The following RB1CC1 variants were observed in gnomAD, a reference collection of about 807,000 sequenced individuals.
The protein encoded by RB1CC1 is RB1-inducible coiled-coil protein 1.
Under a neutral mutation model 177.5 loss-of-function variants are expected in RB1CC1, and 46 were observed. The observed-to-expected ratio is 0.26, with a 90% CI of 0.20 to 0.33. The LOEUF (loss-of-function observed/expected upper bound fraction) is 0.33. RB1CC1 is among the 10% of genes least tolerant of loss of function. The pLI, the probability that RB1CC1 is intolerant of heterozygous loss-of-function variation, is 1.00. For missense variants in RB1CC1, 1,703 were observed against 1,816.3 expected, an observed-to-expected ratio of 0.94 and a Z score of 1.13; for synonymous variants, 666 against 613.6, an observed-to-expected ratio of 1.09 and a Z score of -1.26.
rs368488302 is a variant in RB1CC1 at position 52,661,708 on chromosome 8, A to C, written c.1185T>G (p.Ala395=). The C allele has an allele frequency of 5.6e-5, 88 of 1,563,604 alleles. No individual in the cohort carries two copies. The highest frequency in any genetic ancestry group is 6.8e-5 in the Non-Finnish European group (79 of 1,158,232). ...TTAAGTTTTCAGCTCTCTTCTGATT[A>C]GCTAAAAATCCCTTTGAGAAAAAAA... ...EQKELAQGFL[A]NQKRAENLKD... Residue 395 remains alanine, a synonymous_variant, in exon 9 of 24, where the codon GCT becomes GCG. Coordinates refer to ENST00000025008, the MANE Select transcript of RB1CC1 (RefSeq NM_014781.5).
intron 23 of RB1CC1, 61 bp downstream of exon 23, chr8:52,624,656 A>T: frequency 1.6e-6 from 2 of 1,284,228 alleles, no homozygotes; most frequent in Non-Finnish European, 2.3e-6. Context: ...TTTCTATATA[A>T]AGCAGTATTA....
chr8:52,661,800 A>C (rs550060042), intron 8 of RB1CC1, 81 bp from the exon 9 acceptor site: 68 of 1,102,022 alleles, frequency 6.2e-5, no homozygotes, highest in Non-Finnish European at 8.0e-5. Context: ...GAAAATCTTT[A>C]TGTTAAACAC....
At position 52,714,089 on chromosome 8, in the gene RB1CC1, T is replaced by C; in HGVS notation, c.-181A>G. 2.8e-6 allele frequency: 1 copy of C among 351,558 alleles called. No individual in the cohort carries two copies. Among genetic ancestry groups the C allele is most frequent in the Middle Eastern group, 5.1e-4 (1 of 1,970 alleles). 21.8% of individuals were successfully genotyped at this position (351,558 alleles called of 1,614,324 possible). ...GCGACACTTACCCGGCAACGCCTCC[T>C]CCTTCGCCGGCGGCAGCAGCAGAGC... On this transcript the variant is annotated 5_prime_UTR_variant, in exon 1 of 24. Transcript: ENST00000025008.
intron 18 of RB1CC1, among the ~76,000 whole-genome samples, chr8:52,641,665 CTGGGCATAATTCTTTG>C (rs1849596535): frequency 6.6e-6 from 1 of 152,058 alleles, no homozygotes; most frequent in Admixed American, 6.6e-5. Flanking sequence ...CACTGACCCA[CTGGGCATAATTCTTTG>C]TGTGGCATAA....
chr8:52,701,057 G>T (rs767310530), intron 1 of RB1CC1, among the ~76,000 whole-genome samples: 1 of 152,032 alleles, frequency 6.6e-6, no homozygotes, highest in Non-Finnish European at 1.5e-5. Context: ...TAGGGAAACA[G>T]ACATAACTGG....
At chr8:52,682,107 A>G (rs1183461722) in intron 5 of RB1CC1, among the ~76,000 whole-genome samples, 20 of 152,298 alleles carry the variant, frequency 1.3e-4, no homozygotes. Context: ...GGGAGGCTGC[A>G]CCCTGCAAAG....
intron 1 of RB1CC1, among the ~76,000 whole-genome samples, chr8:52,690,800 T>C (rs927882863): frequency 6.6e-6 from 1 of 152,240 alleles, no homozygotes; most frequent in South Asian, 2.1e-4. Flanking sequence ...CTGTGAACAC[T>C]TGTGTTCTAT....
At chr8:52,637,105 G>T (rs1849204314) in intron 18 of RB1CC1, among the ~76,000 whole-genome samples, 1 of 152,092 alleles carries the variant, frequency 6.6e-6, no homozygotes, top group Admixed American at 6.6e-5. Flanking sequence ...GCCCTTTTCT[G>T]CAACATAACA....
At chr8:52,707,432 C>CTTTCT (rs1470474108) in intron 1 of RB1CC1, among the ~76,000 whole-genome samples, 2 of 128,842 alleles carry the variant, frequency 1.6e-5, no homozygotes, top group East Asian at 4.6e-4. Context: ...TTCTTTCTTT[C>CTTTCT]TTTTTTTTTT....
chr8:52,705,233 T>C (rs1202519286), intron 1 of RB1CC1, among the ~76,000 whole-genome samples: 1 of 152,216 alleles, frequency 6.6e-6, no homozygotes, highest in Non-Finnish European at 1.5e-5. Flanking sequence ...TCTTTATACA[T>C]GCATACCTGC....
intron 20 of RB1CC1, among the ~76,000 whole-genome samples, chr8:52,632,390 A>G (rs1848827444): frequency 2.6e-5 from 4 of 152,222 alleles, no homozygotes; most frequent in Non-Finnish European, 4.4e-5. Flanking sequence ...AAGAGAAATA[A>G]CACAACAAAT....
chr8:52,714,206 C>G lies in RB1CC1; in HGVS notation c.-298G>C. 4.5e-6 allele frequency: 1 copy of G among 224,654 alleles called. No individual in the cohort carries two copies. Among genetic ancestry groups the G allele is most frequent in the East Asian group, 1.9e-4 (1 of 5,346 alleles). 13.9% of individuals were successfully genotyped at this position (224,654 alleles called of 1,614,324 possible). A position where few individuals can be genotyped will look rare whatever the true frequency, so the allele number is the denominator to read the frequency against. On this transcript the variant is annotated 5_prime_UTR_variant, in exon 1 of 24. Transcript: ENST00000025008. ...GGCACCGCTAAGCCGACACAACCGC[C>G]GGCGTCCCGGGCGCCCGCCCGCCGC...
chr8:52,703,830 A>G (rs1856315314), intron 1 of RB1CC1, among the ~76,000 whole-genome samples: 1 of 152,240 alleles, frequency 6.6e-6, no homozygotes, highest in African/African-American at 2.4e-5. Flanking sequence ...TAGAGACAGT[A>G]AACAGTCAAT....
chr8:52,698,834 C>T (rs1381957039), intron 1 of RB1CC1, among the ~76,000 whole-genome samples: 4 of 149,924 alleles, frequency 2.7e-5, no homozygotes, highest in Non-Finnish European at 5.9e-5. Flanking sequence ...GGACTACAGG[C>T]GCCTGCCACC....
At chr8:52,627,173 C>T (rs1848454526) in intron 22 of RB1CC1, among the ~76,000 whole-genome samples, 1 of 152,106 alleles carries the variant, frequency 6.6e-6, no homozygotes, top group Non-Finnish European at 1.5e-5. Context: ...CAGGTAAAAA[C>T]CCGCCTCTAC....
At chr8:52,668,651 C>T (rs148778757) in intron 7 of RB1CC1, among the ~76,000 whole-genome samples, 1 of 152,298 alleles carries the variant, frequency 6.6e-6, no homozygotes, top group East Asian at 1.9e-4. Context: ...TGCTTTCTCA[C>T]TCTTCCATCT....
chr8:52,660,820 T>G, intron 11 of RB1CC1, 106 bp downstream of exon 11: 1 of 1,115,024 alleles, frequency 9.0e-7, no homozygotes, highest in Non-Finnish European at 1.3e-6. Flanking sequence ...TTCCTAGATA[T>G]CAATGGCAAT....
intron 20 of RB1CC1, among the ~76,000 whole-genome samples, chr8:52,633,943 A>C (rs1848940785): frequency 6.6e-6 from 1 of 152,002 alleles, no homozygotes; most frequent in Non-Finnish European, 1.5e-5. Flanking sequence ...AAAAAACAAA[A>C]CCTAAAACCA....
At chr8:52,683,791 A>C (rs1194944364) in intron 4 of RB1CC1, 72 bp from the exon 5 acceptor site, 46 of 1,562,004 alleles carry the variant, frequency 2.9e-5, no homozygotes, top group Non-Finnish European at 3.9e-5. Context: ...ATTGCCTTCA[A>C]TATATGAAGC....
Sources: allele counts gnomAD v4.1 joint callset (sites outside exome capture counted in the v4.1 genomes callset), GRCh38; gene constraint gnomAD v4.1.1; transcripts MANE v1.5; gene names NCBI Gene and HGNC (gene_info 2026-07-23, HGNC 2026-07-21).